The following ELMO1 variants were observed in gnomAD, a reference collection of about 807,000 sequenced individuals.
ELMO1 encodes engulfment and cell motility protein 1.
A neutral mutation model predicts 98.9 loss-of-function variants in ELMO1; 26 were observed. The ratio of observed to expected loss-of-function variants is 0.26; its 90% CI spans 0.19 to 0.36. The LOEUF is 0.36. Among genes scored for constraint, ELMO1 ranks in the 10% least tolerant of loss-of-function variants. ELMO1 has a pLI of 1.00. For missense variants in ELMO1, 627 were observed against 935.2 expected, an observed-to-expected ratio of 0.67 and a Z score of 4.30; for synonymous variants, 346 against 346.0, an observed-to-expected ratio of 1.00 and a Z score of 0.00.
intron 16 of ELMO1, among the ~76,000 whole-genome samples, chr7:36,996,268 A>C (rs1792202852): frequency 6.6e-6 from 1 of 152,126 alleles, no homozygotes; most frequent in South Asian, 2.1e-4. Context: ...TGAGTCCATA[A>C]GACTGTTTGT....
intron 2 of ELMO1, among the ~76,000 whole-genome samples, chr7:37,324,123 C>T (rs1799667820): frequency 6.6e-6 from 1 of 152,190 alleles, no homozygotes; most frequent in African/African-American, 2.4e-5. Flanking sequence ...CCTGCCCCGC[C>T]TCTGATGAGC....
At chr7:37,224,831 C>A (rs756152624) in intron 9 of ELMO1, 48 bp downstream of exon 9, 1 of 1,601,018 alleles carries the variant, frequency 6.2e-7, no homozygotes, top group South Asian at 1.1e-5. Flanking sequence ...TTACCGTGGC[C>A]ATCTTCCTGA....
At chr7:36,938,585 G>C (rs1786750098) in intron 16 of ELMO1, among the ~76,000 whole-genome samples, 2 of 152,176 alleles carry the variant, frequency 1.3e-5, no homozygotes, top group Admixed American at 6.5e-5. Flanking sequence ...TATGTTTTAA[G>C]TTAAAATAAA....
At chr7:37,009,500 A>G (rs1045658144) in intron 16 of ELMO1, among the ~76,000 whole-genome samples, 1 of 152,196 alleles carries the variant, frequency 6.6e-6, no homozygotes, top group African/African-American at 2.4e-5. Context: ...CAGTGGCATT[A>G]ACTACCAAGC....
intron 15 of ELMO1, among the ~76,000 whole-genome samples, chr7:37,060,087 A>C (rs1796589088): frequency 6.6e-6 from 1 of 152,236 alleles, no homozygotes. Context: ...TAACAGTCCC[A>C]TGAGGTAAGA....
chr7:36,997,218 G>A (rs1475168972), intron 16 of ELMO1, among the ~76,000 whole-genome samples: 1 of 152,140 alleles, frequency 6.6e-6, no homozygotes. Flanking sequence ...ATTCTTGAGA[G>A]GAATGATTTC....
At chr7:37,112,252 T>C (rs1785293638) in intron 14 of ELMO1, among the ~76,000 whole-genome samples, 1 of 152,038 alleles carries the variant, frequency 6.6e-6, no homozygotes, top group Non-Finnish European at 1.5e-5. Context: ...AATCAAATAG[T>C]AAAACATACG....
At chr7:37,227,105 T>G (rs1040285434) in intron 8 of ELMO1, among the ~76,000 whole-genome samples, 2 of 152,230 alleles carry the variant, frequency 1.3e-5, no homozygotes, top group Non-Finnish European at 2.9e-5. Context: ...TAAGAATCCA[T>G]AATCACTGGT....
chr7:37,058,246 T>C (rs1796491838), intron 15 of ELMO1, among the ~76,000 whole-genome samples: 2 of 152,190 alleles, frequency 1.3e-5, no homozygotes, highest in Non-Finnish European at 2.9e-5. Context: ...TGGTTTCATA[T>C]AAATGTAAAG....
intron 13 of ELMO1, among the ~76,000 whole-genome samples, chr7:37,178,621 G>A (rs79870184): frequency 2.0e-5 from 3 of 151,330 alleles, no homozygotes; most frequent in African/African-American, 4.9e-5. Context: ...TTTTTAATTA[G>A]AAAAAAAACA....
intron 4 of ELMO1, among the ~76,000 whole-genome samples, chr7:37,303,392 A>T (rs574114456): frequency 1.3e-5 from 2 of 152,314 alleles, no homozygotes; most frequent in East Asian, 3.9e-4. Context: ...ACACAAACAC[A>T]CAAAAATATA....
chr7:37,111,886 A>T (rs1785270998), intron 14 of ELMO1, among the ~76,000 whole-genome samples: 1 of 152,230 alleles, frequency 6.6e-6, no homozygotes. Context: ...ATTGGCTTAT[A>T]GAGAACTCAT....
intron 10 of ELMO1, among the ~76,000 whole-genome samples, chr7:37,220,627 C>T (rs1793538501): frequency 6.6e-6 from 1 of 152,130 alleles, no homozygotes; most frequent in South Asian, 2.1e-4. Context: ...GAAGTTAGTA[C>T]AGATTGACAC....
At chr7:37,362,846 A>G (rs1443449131) in intron 1 of ELMO1, among the ~76,000 whole-genome samples, 1 of 152,160 alleles carries the variant, frequency 6.6e-6, no homozygotes, top group Non-Finnish European at 1.5e-5. Context: ...TTGCAGGATA[A>G]GGCCACAGCC....
chr7:37,037,533 G>A (rs774802777), intron 15 of ELMO1, among the ~76,000 whole-genome samples: 4 of 152,190 alleles, frequency 2.6e-5, no homozygotes, highest in African/African-American at 4.8e-5. Flanking sequence ...TCGGGCCATC[G>A]GAAGGCCTGA....
intron 16 of ELMO1, among the ~76,000 whole-genome samples, chr7:36,990,594 C>T (rs1791810519): frequency 6.6e-6 from 1 of 152,048 alleles, no homozygotes; most frequent in African/African-American, 2.4e-5. Context: ...TCAACCTGTA[C>T]TCTTTGTTCT....
intron 1 of ELMO1, among the ~76,000 whole-genome samples, chr7:37,420,061 T>C (rs1019488864): frequency 2.6e-5 from 4 of 152,200 alleles, no homozygotes; most frequent in African/African-American, 4.8e-5. Flanking sequence ...GATTTACACA[T>C]ACCTAATACA....
intron 16 of ELMO1, among the ~76,000 whole-genome samples, chr7:36,963,372 A>T (rs1789130277): frequency 6.8e-6 from 1 of 146,018 alleles, no homozygotes; most frequent in South Asian, 2.2e-4. Context: ...GCAAGACTCC[A>T]TCTCAAATAA....
At chr7:37,319,947 G>A (rs943692078) in intron 2 of ELMO1, among the ~76,000 whole-genome samples, 9 of 151,792 alleles carry the variant, frequency 5.9e-5, no homozygotes, top group African/African-American at 1.9e-4. Context: ...CATATTACTC[G>A]TTTGCTCCAA....
Sources: gnomAD v4.1 joint callset for allele counts (sites outside exome capture counted in the v4.1 genomes callset) on GRCh38, gnomAD v4.1.1 for gene constraint, MANE v1.5 for transcripts, NCBI Gene and HGNC (gene_info 2026-07-23, HGNC 2026-07-21) for gene names.